Variants in EXD1 observed in about 807,000 individuals in gnomAD.
EXD1 encodes the protein piRNA biogenesis protein EXD1.
A neutral mutation model predicts 49.1 loss-of-function variants in EXD1; 63 were observed. The ratio of observed to expected loss-of-function variants is 1.28; its 90% CI spans 1.05 to 1.58. EXD1 has a LOEUF of 1.58. Among genes scored for constraint, EXD1 ranks in the 40% most tolerant of loss-of-function variants. EXD1 has a pLI of 0.00. For missense variants in EXD1, 748 were observed against 666.0 expected, an observed-to-expected ratio of 1.12 and a Z score of -1.36; for synonymous variants, 234 against 239.2, an observed-to-expected ratio of 0.98 and a Z score of 0.20.
intron 9 of EXD1, among the ~76,000 whole-genome samples, chr15:41,193,999 A>ATTTTTTTT (rs747194413): frequency 1.2e-5 from 1 of 82,922 alleles, no homozygotes; most frequent in Non-Finnish European, 2.2e-5. Context: ...ATGACAAGTG[A>ATTTTTTTT]TTTTTTTTTT....
chr15:41,215,685 CAAA>C, intron 6 of EXD1, 87 bp downstream of exon 6: 1 of 1,120,070 alleles, frequency 8.9e-7, no homozygotes. Context: ...GACTCCGTCT[CAAA>C]AAAAAAAAGA....
At chr15:41,219,963 T>C in intron 2 of EXD1, 65 bp from the exon 3 acceptor site, 1 of 1,298,806 alleles carries the variant, frequency 7.7e-7, no homozygotes. Flanking sequence ...GAAAATATGA[T>C]GCCTCTCAAA....
At chr15:41,217,748 C>A (rs1402569) in intron 3 of EXD1, among the ~76,000 whole-genome samples, 24,472 of 151,940 alleles carry the variant, frequency 0.16, 3,630 homozygotes, top group African/African-American at 0.39. Flanking sequence ...TGTGGCCAGG[C>A]TGGTCTCAAT....
intron 11 of EXD1, among the ~76,000 whole-genome samples, chr15:41,187,202 G>A (rs535760962): frequency 6.6e-6 from 1 of 151,086 alleles, no homozygotes; most frequent in Non-Finnish European, 1.5e-5. Context: ...CAATTCTCCT[G>A]CCTCAGCCTC....
rs1304856160 is a variant in EXD1, at chr15:41,184,520, G to A, written c.1130C>T (p.Ala377Val). 1 of 1,613,430 alleles carries A rather than the reference G, an allele frequency of 6.2e-7. No individual in the cohort carries two copies. The highest frequency in any genetic ancestry group is 2.2e-5 in the East Asian group (1 of 44,890). Reference sequence around the variant, plus strand: ...CTGTGCATTCACCCTATATTCTCTTGCAGCTTTCTCCCTGCGCTGCTTCTG... The same window carrying A: ...CTGTGCATTCACCCTATATTCTCTTACAGCTTTCTCCCTGCGCTGCTTCTG... ...DFQKQRREKA[A>V]REYRVNAQGL... is the part of the protein sequence containing the mutation. The change falls in exon 12 of 12, where the codon GCA (alanine) becomes GTA (valine). Residue 377 changes from alanine to valine, a missense_variant. Coordinates refer to ENST00000458580, the MANE Select transcript of EXD1 (RefSeq NM_001286441.2).
At chr15:41,193,997 T>C (rs981746680) in intron 9 of EXD1, among the ~76,000 whole-genome samples, 1 of 139,424 alleles carries the variant, frequency 7.2e-6, no homozygotes, top group East Asian at 2.1e-4. Flanking sequence ...GAATGACAAG[T>C]GATTTTTTTT....
At position 41,218,004 on chromosome 15, in the gene EXD1, G is replaced by T. The variant is rs1299306931; in HGVS notation, c.203-850C>A. ...AATTCTTATCCAAGGTACTTTTGGG[G>T]ACAACTCCTCCATGGTTGATTGGGC... On this transcript the variant is annotated intron_variant, in intron 3 of 11. Coordinates refer to ENST00000458580, the MANE Select transcript of EXD1 (RefSeq NM_001286441.2). 2.0e-5 allele frequency among the ~76,000 whole-genome samples: 3 copies of T among 152,128 alleles called. No individual in the cohort carries two copies. In the East Asian group the frequency reaches 5.8e-4, roughly 29 times the overall value.
chr15:41,184,115 T>C lies in EXD1; in HGVS notation c.1535A>G (p.Glu512Gly). 2 of 1,614,218 alleles carry C rather than the reference T, an allele frequency of 1.2e-6. No homozygotes were observed. Among genetic ancestry groups the C allele is most frequent in the Middle Eastern group, 3.3e-4 (2 of 6,062 alleles). ...TGTGCATTTTAAATCTTCCTTGTTT[T>C]CCACCATCAATAACTGTTCTGTCTC... ...KEETEQLLMVENKEDLKCTKQ... is the reference protein window; with the variant it reads ...KEETEQLLMVGNKEDLKCTKQ... The change falls in exon 12 of 12, where the codon GAA (glutamate) becomes GGA (glycine). Residue 512 changes from glutamate to glycine, a missense_variant. Transcript: ENST00000458580.
At chr15:41,211,100 C>T (rs190411472) in intron 6 of EXD1, among the ~76,000 whole-genome samples, 54 of 152,276 alleles carry the variant, frequency 3.5e-4, no homozygotes, top group East Asian at 3.1e-3. Flanking sequence ...TTGAGACAGT[C>T]TCATGCTGTC....
chr15:41,216,793 A>G lies in EXD1; in HGVS notation c.263T>C (p.Leu88Pro). ...CTCCATCCAGGTTCTTTCTGCATGTAGACTATCCTTACAAGAAACAATATT... is the reference window on the plus strand; with the variant it reads ...CTCCATCCAGGTTCTTTCTGCATGTGGACTATCCTTACAAGAAACAATATT... ...SVRAKASSVS[L>P]HAERTWMEKM... is the part of the protein sequence containing the mutation. Residue 88 changes from leucine to proline, a missense_variant and splice_region_variant, in exon 5 of 12, where the codon CTA (leucine) becomes CCA (proline). Transcript: ENST00000458580. 1.2e-6 allele frequency: 2 copies of G among 1,612,490 alleles called. No homozygotes were observed. The highest frequency in any genetic ancestry group is 1.7e-6 in the Non-Finnish European group (2 of 1,179,748).
At chr15:41,189,073 G>A (rs574847254) in intron 11 of EXD1, among the ~76,000 whole-genome samples, 2 of 151,934 alleles carry the variant, frequency 1.3e-5, no homozygotes, top group Admixed American at 1.3e-4. Context: ...TGCTGCATAA[G>A]AATAAATATG....
At chr15:41,203,464 G>T (rs573296867) in intron 7 of EXD1, among the ~76,000 whole-genome samples, 17 of 152,226 alleles carry the variant, frequency 1.1e-4, no homozygotes, top group African/African-American at 2.6e-4. Flanking sequence ...GCAAAGAAAG[G>T]CCTCTGAAAT....
At chr15:41,228,712 A>T (rs1415041104) in intron 1 of EXD1, among the ~76,000 whole-genome samples, 1 of 152,070 alleles carries the variant, frequency 6.6e-6, no homozygotes, top group African/African-American at 2.4e-5. Flanking sequence ...TTTTTATTTT[A>T]TTTTTGAGAT....
intron 2 of EXD1, among the ~76,000 whole-genome samples, chr15:41,223,937 G>A (rs565639950): frequency 6.6e-6 from 1 of 152,050 alleles, no homozygotes; most frequent in African/African-American, 2.4e-5. Flanking sequence ...TGCCTCGGCT[G>A]GCCTTAAACT....
At chr15:41,217,346 A>G (rs2047016063) in intron 3 of EXD1, among the ~76,000 whole-genome samples, 192 bp from the exon 4 acceptor site, 2 of 152,152 alleles carry the variant, frequency 1.3e-5, no homozygotes, top group African/African-American at 4.8e-5. Flanking sequence ...AAAGACTCTC[A>G]GTATTCTATC....
chr15:41,213,453 C>A (rs2046952814), intron 6 of EXD1, among the ~76,000 whole-genome samples: 1 of 151,936 alleles, frequency 6.6e-6, no homozygotes, highest in African/African-American at 2.4e-5. Context: ...CCCATCTCGG[C>A]CTCGCAAAGT....
chr15:41,208,200 T>C (rs954826315), intron 7 of EXD1, among the ~76,000 whole-genome samples: 2 of 151,208 alleles, frequency 1.3e-5, no homozygotes, highest in Non-Finnish European at 2.9e-5. Flanking sequence ...TTTTAAGTAA[T>C]TTGTATTTGT....
chr15:41,203,944 A>AAAAAAC (rs2046776904), intron 7 of EXD1, among the ~76,000 whole-genome samples: 6 of 139,846 alleles, frequency 4.3e-5, no homozygotes, highest in African/African-American at 1.6e-4. Context: ...AAAAAAAAAA[A>AAAAAAC]CCCTAAAAAT....
Position 41,186,299 on chromosome 15 carries a change from C to G in EXD1, c.1057-1706G>C, listed in dbSNP as rs532474137. Among the ~76,000 whole-genome samples, 712 of 151,842 alleles carry G rather than the reference C, an allele frequency of 4.7e-3. 3 individuals are homozygous for G. Among genetic ancestry groups the G allele is most frequent in the Non-Finnish European group, 8.2e-3 (558 of 67,936 alleles). ...CCAGTCTGACCAACATGGCCAAACC[C>G]CATCTCTACTAAAAATATAAAAATT... is the stretch of plus-strand genomic sequence containing the variant. On this transcript the variant is annotated intron_variant, in intron 11 of 11. Coordinates refer to ENST00000458580, the MANE Select transcript of EXD1 (RefSeq NM_001286441.2).
Sources: allele counts gnomAD v4.1 joint callset (sites outside exome capture counted in the v4.1 genomes callset), GRCh38; gene constraint gnomAD v4.1.1; transcripts MANE v1.5; gene names NCBI Gene and HGNC (gene_info 2026-07-23, HGNC 2026-07-21).